Variants in SEMA3A observed in about 807,000 individuals in gnomAD.
The protein encoded by SEMA3A is semaphorin-3A.
Under a neutral mutation model 97.9 loss-of-function variants are expected in SEMA3A, and 29 were observed. The ratio of observed to expected loss-of-function variants is 0.30; its 90% CI spans 0.22 to 0.40. The LOEUF is 0.40. SEMA3A is among the 10% of genes least tolerant of loss of function. The probability of loss-of-function intolerance (pLI) is 1.00; values close to 1 mark genes in which losing one functional copy is unlikely to be tolerated. For synonymous variants in SEMA3A, 321 were observed against 323.7 expected (o/e 0.99, Z 0.09); for missense variants, 763 against 951.3 (o/e 0.80, Z 2.60).
chr7:84,449,478 G>C (rs1351167459), intron 1 of SEMA3A, among the ~76,000 whole-genome samples: 2 of 152,022 alleles, frequency 1.3e-5, no homozygotes, highest in Admixed American at 1.3e-4. Flanking sequence ...CAACAGGACT[G>C]AAAGAGACAC....
intron 1 of SEMA3A, among the ~76,000 whole-genome samples, chr7:84,376,564 A>G (rs554705): frequency 1.0e-5 from 1 of 99,828 alleles, no homozygotes; most frequent in Non-Finnish European, 2.0e-5. Flanking sequence ...AGATCGCGCC[A>G]CTGCACTCCA....
chr7:84,051,575 T>C (rs1407078891), intron 5 of SEMA3A, among the ~76,000 whole-genome samples: 1 of 152,244 alleles, frequency 6.6e-6, no homozygotes, highest in African/African-American at 2.4e-5. Flanking sequence ...CCTGAGACTT[T>C]GCTGAAGTTG....
chr7:84,013,665 G>C (rs1417387915), intron 7 of SEMA3A, among the ~76,000 whole-genome samples: 1 of 152,108 alleles, frequency 6.6e-6, no homozygotes, highest in African/African-American at 2.4e-5. Context: ...TGGCCAACAT[G>C]ATGAAACCCC....
intron 3 of SEMA3A, among the ~76,000 whole-genome samples, chr7:84,249,626 A>G (rs1424545374): frequency 6.6e-6 from 1 of 152,086 alleles, no homozygotes; most frequent in African/African-American, 2.4e-5. Context: ...TTAAAGAGAT[A>G]AAACCAAATA....
At chr7:84,166,247 C>T (rs1043969506) in intron 1 of SEMA3A, among the ~76,000 whole-genome samples, 1 of 150,506 alleles carries the variant, frequency 6.6e-6, no homozygotes, top group South Asian at 2.1e-4. Flanking sequence ...TGCTGCACTC[C>T]AGCCTGGGTG....
chr7:84,180,506 G>C (rs542458147), intron 1 of SEMA3A, among the ~76,000 whole-genome samples: 1 of 151,946 alleles, frequency 6.6e-6, no homozygotes, highest in African/African-American at 2.4e-5. Context: ...TGGCCAACAT[G>C]GTAAAACTCC....
At chr7:84,007,274 ATC>A in intron 10 of SEMA3A, 77 bp downstream of exon 10, 1 of 1,156,290 alleles carries the variant, frequency 8.6e-7, no homozygotes, top group Non-Finnish European at 1.2e-6. Flanking sequence ...TACATTTAAT[ATC>A]TGTCTGTAGC....
At chr7:84,081,719 T>G (rs1794170096) in intron 4 of SEMA3A, among the ~76,000 whole-genome samples, 1 of 151,950 alleles carries the variant, frequency 6.6e-6, no homozygotes, top group Non-Finnish European at 1.5e-5. Flanking sequence ...AATGGAAATA[T>G]GCAGACATTA....
At chr7:84,060,130 T>C (rs1793154290) in intron 5 of SEMA3A, among the ~76,000 whole-genome samples, 1 of 152,144 alleles carries the variant, frequency 6.6e-6, no homozygotes, top group Non-Finnish European at 1.5e-5. Flanking sequence ...TAACTTCCCT[T>C]AGCCTGTATA....
At chr7:84,199,902 A>T (rs1336824975), upstream of SEMA3A, among the ~76,000 whole-genome samples, 2 of 152,170 alleles carry the variant, frequency 1.3e-5, no homozygotes, top group Non-Finnish European at 2.9e-5. Context: ...GTTAAAAGCA[A>T]TGTTTAAGAA....
At chr7:84,133,114 A>C (rs1370709826) in intron 2 of SEMA3A, among the ~76,000 whole-genome samples, 1 of 152,214 alleles carries the variant, frequency 6.6e-6, no homozygotes, top group East Asian at 1.9e-4. Context: ...GTATTTTTCG[A>C]TAATAGATAA....
intron 1 of SEMA3A, among the ~76,000 whole-genome samples, chr7:84,149,503 T>C (rs1050312631): frequency 2.0e-5 from 3 of 152,142 alleles, no homozygotes; most frequent in Non-Finnish European, 2.9e-5. Flanking sequence ...CACCTCTGGG[T>C]TGGAAAGGAC....
intron 2 of SEMA3A, among the ~76,000 whole-genome samples, chr7:84,130,087 G>T (rs1016032341): frequency 6.6e-6 from 1 of 151,932 alleles, no homozygotes; most frequent in Admixed American, 6.6e-5. Context: ...GGGCAGAACA[G>T]TTTGGGTTTT....
At chr7:84,055,454 G>T (rs865956822) in intron 5 of SEMA3A, among the ~76,000 whole-genome samples, 11 of 152,156 alleles carry the variant, frequency 7.2e-5, no homozygotes, top group African/African-American at 2.7e-4. Flanking sequence ...TCGGGTGGGA[G>T]TGACCCGATT....
At chr7:84,142,937 G>T (rs1796337123) in intron 1 of SEMA3A, among the ~76,000 whole-genome samples, 1 of 152,024 alleles carries the variant, frequency 6.6e-6, no homozygotes, top group Non-Finnish European at 1.5e-5. Context: ...TAAGTTTGTT[G>T]TAAGTATCAA....
At chr7:84,191,107 T>C (rs1584106139) in intron 1 of SEMA3A, among the ~76,000 whole-genome samples, 1 of 151,332 alleles carries the variant, frequency 6.6e-6, no homozygotes, top group East Asian at 1.9e-4. Flanking sequence ...GGTAAAGAAC[T>C]TTTGCAAATT....
intron 4 of SEMA3A, among the ~76,000 whole-genome samples, chr7:84,086,581 ATATATTAT>A (rs757236558): frequency 0.38 from 51,177 of 135,126 alleles, 11,376 homozygotes; most frequent in Admixed American, 0.49. Context: ...TTTACATATA[ATATATTAT>A]TATATTATAT....
chr7:84,251,010 C>T (rs181719926), intron 3 of SEMA3A, among the ~76,000 whole-genome samples: 4 of 152,180 alleles, frequency 2.6e-5, no homozygotes, highest in African/African-American at 9.6e-5. Flanking sequence ...GAGACAGTAG[C>T]GATGAAATTC....
At chr7:84,115,477 T>G (rs1052863077) in intron 3 of SEMA3A, among the ~76,000 whole-genome samples, 9 of 152,264 alleles carry the variant, frequency 5.9e-5, no homozygotes, top group Admixed American at 4.6e-4. Flanking sequence ...TAGACCATGC[T>G]ATTAGCAAAA....
Sources: gnomAD v4.1 joint callset for allele counts (sites outside exome capture counted in the v4.1 genomes callset) on GRCh38, gnomAD v4.1.1 for gene constraint, MANE v1.5 for transcripts, NCBI Gene and HGNC (gene_info 2026-07-23, HGNC 2026-07-21) for gene names.